FAM117A: variants seen among roughly 807,000 people sequenced by gnomAD.
The protein encoded by FAM117A is family with sequence similarity 117 member A, also known as protein FAM117A.
FAM117A carries 21 observed loss-of-function variants against 44.1 expected under a neutral mutation model. The observed-to-expected ratio is 0.48, with a 90% CI of 0.34 to 0.69. FAM117A has a LOEUF of 0.69. FAM117A is among the 30% of genes least tolerant of loss of function. The pLI, the probability that FAM117A is intolerant of heterozygous loss-of-function variation, is 0.01. For synonymous variants in FAM117A, 220 were observed against 238.3 expected, an observed-to-expected ratio of 0.92 and a Z score of 0.71; for missense variants, 498 against 589.9, an observed-to-expected ratio of 0.84 and a Z score of 1.61.
intron 1 of FAM117A, among the ~76,000 whole-genome samples, chr17:49,738,610 G>C (rs944150559): frequency 2.0e-5 from 3 of 152,108 alleles, no homozygotes; most frequent in Non-Finnish European, 4.4e-5. Context: ...TATTTCCACA[G>C]AGGCCACATC....
rs933250272 is a variant in FAM117A, at chr17:49,763,405, G to A, written c.196+487C>T. Among the ~76,000 whole-genome samples, 46 of 151,968 alleles carry A rather than the reference G, an allele frequency of 3.0e-4. 2 individuals carry two copies. Among genetic ancestry groups the A allele is most frequent in the Non-Finnish European group, 1.5e-5 (1 of 68,004 alleles). On this transcript the variant is annotated intron_variant, in intron 1 of 7. Coordinates refer to ENST00000240364, the MANE Select transcript of FAM117A (RefSeq NM_030802.4). ...CCAGCGCAGTTGAGAGGGATGCTGG[G>A]GCCAAACTCAAGCTGGAGAAGTAAC...
At chr17:49,726,282 G>T (rs2073559232) in intron 2 of FAM117A, among the ~76,000 whole-genome samples, 1 of 151,960 alleles carries the variant, frequency 6.6e-6, no homozygotes, top group Non-Finnish European at 1.5e-5. Flanking sequence ...GCGCAATCTT[G>T]GCTCACTGAA....
At chr17:49,778,296 C>A (rs1031441664) in intron 1 of FAM117A, among the ~76,000 whole-genome samples, 3 of 152,204 alleles carry the variant, frequency 2.0e-5, no homozygotes, top group African/African-American at 7.2e-5. Context: ...CTATTAAGTG[C>A]CAGGCATCAT....
At chr17:49,728,146 A>T (rs569537811) in intron 2 of FAM117A, among the ~76,000 whole-genome samples, 31 of 152,234 alleles carry the variant, frequency 2.0e-4, no homozygotes, top group Non-Finnish European at 1.5e-5. Flanking sequence ...TTGTCAAACT[A>T]TGCTGAACAA....
In FAM117A at chr17:49,733,916, G is replaced by A. The variant is rs539043975; in HGVS notation, c.197-1196C>T. ...CCAGCACTTTGGGAGGTCGAGGCAG[G>A]TGGATCATGAGATCAGGAGATTGAG... On this transcript the variant is annotated intron_variant, in intron 1 of 7. Transcript: ENST00000240364. 7.2e-4 allele frequency among the ~76,000 whole-genome samples: 110 copies of A among 152,120 alleles called. 1 individual carries two copies. The highest frequency in any genetic ancestry group is 2.5e-3 in the African/African-American group (102 of 41,486).
intron 1 of FAM117A, among the ~76,000 whole-genome samples, chr17:49,741,190 G>T (rs2073632813): frequency 6.6e-6 from 1 of 152,028 alleles, no homozygotes; most frequent in East Asian, 1.9e-4. Flanking sequence ...CAACTAGCTG[G>T]TTCAACAAAC....
At chr17:49,712,296 G>T (rs897086357) in intron 7 of FAM117A, among the ~76,000 whole-genome samples, 4 of 152,146 alleles carry the variant, frequency 2.6e-5, no homozygotes, top group African/African-American at 9.7e-5. Flanking sequence ...TCTTTGTTGC[G>T]GGGTGGGGAT....
chr17:49,746,801 ATGAATT>A (rs1368611638), intron 1 of FAM117A, among the ~76,000 whole-genome samples: 2 of 152,360 alleles, frequency 1.3e-5, no homozygotes, highest in East Asian at 3.9e-4. Flanking sequence ...GGGAAGGAAA[ATGAATT>A]AGAATTTATC....
chr17:49,711,651 G>A lies in FAM117A; in HGVS notation c.1062-96C>T, dbSNP rs1332482205. ...AGATGTCACAGCATCAAGGCAGCAG[G>A]AGAGCTGGGTCTCTGTTCAAACAGA... On this transcript the variant is annotated intron_variant, in intron 7 of 7. Transcript: ENST00000240364. 8 of 1,190,794 alleles carry A rather than the reference G, an allele frequency of 6.7e-6. No homozygotes were observed. In the Admixed American group the frequency reaches 7.8e-5, roughly 12 times the overall value. 73.8% of individuals were successfully genotyped at this position (1,190,794 alleles called of 1,614,324 possible).
rs183021290 is a variant in FAM117A at position 49,719,432 on chromosome 17, G to A, written c.708+328C>T. Among the ~76,000 whole-genome samples the A allele has an allele frequency of 2.3e-4, 35 of 152,296 alleles. No homozygotes were observed. The East Asian group carries it at 6.0e-3, about 26-fold the overall frequency. On this transcript the variant is annotated intron_variant, in intron 5 of 7. Transcript: ENST00000240364. Reference sequence around the variant, plus strand: ...CAGCAGGCACTGAGGCGCCCATGCCGGTGCCGAGCACACGGGGAACAGTGA... The same window carrying A: ...CAGCAGGCACTGAGGCGCCCATGCCAGTGCCGAGCACACGGGGAACAGTGA...
intron 1 of FAM117A, among the ~76,000 whole-genome samples, chr17:49,780,172 G>A (rs181992439): frequency 6.6e-6 from 1 of 152,286 alleles, no homozygotes; most frequent in East Asian, 1.9e-4. Context: ...GGGCAAACAT[G>A]TATAAATGAC....
At chr17:49,774,629 A>G (rs1299449427) in intron 1 of FAM117A, among the ~76,000 whole-genome samples, 1 of 152,180 alleles carries the variant, frequency 6.6e-6, no homozygotes, top group African/African-American at 2.4e-5. Context: ...AAGTGCTGGG[A>G]TTACAGGCGT....
chr17:49,732,336 C>G, intron 2 of FAM117A: 1 of 394,144 alleles, frequency 2.5e-6, no homozygotes, highest in Non-Finnish European at 4.7e-6. Flanking sequence ...ACCCGGGAGG[C>G]AGAGGTTGCA....
At position 49,728,690 on chromosome 17, in the gene FAM117A, G is replaced by A. The variant is rs538592725; in HGVS notation, c.366+3861C>T. ...AAGGTTTGCACAGCAAGAAGGGAAA[G>A]GGGTAACTGCAGCCACCGGCATGTA... On this transcript the variant is annotated intron_variant, in intron 2 of 7. Coordinates refer to ENST00000240364, the MANE Select transcript of FAM117A (RefSeq NM_030802.4). Among the ~76,000 whole-genome samples the A allele has an allele frequency of 5.9e-5, 9 of 152,322 alleles. No individual in the cohort carries two copies. The East Asian group carries it at 1.7e-3, about 29-fold the overall frequency.
Position 49,717,602 on chromosome 17 carries a change from G to T in FAM117A, c.821C>A (p.Ser274Tyr). Residue 274 changes from serine (S) to tyrosine (Y), a missense_variant, in exon 6 of 8, where the codon TCC becomes TAC. Coordinates refer to ENST00000240364, the MANE Select transcript of FAM117A (RefSeq NM_030802.4). The stretch of plus-strand genomic sequence containing the variant: ...GCCACAAGGCTGGGGAGATGCCAAG[G>T]ACATGGAAGGAGAGCTGGCAAGGTT... Reference protein sequence around the residue: ...PGNLASSPSMSLASPQPCGLA... With the variant: ...PGNLASSPSMYLASPQPCGLA... The T allele has an allele frequency of 1.9e-6, 3 of 1,614,168 alleles. No individual in the cohort carries two copies. The highest frequency in any genetic ancestry group is 2.5e-6 in the Non-Finnish European group (3 of 1,180,024).
At chr17:49,767,522 C>T (rs1235376419), upstream of FAM117A, among the ~76,000 whole-genome samples, 2 of 152,190 alleles carry the variant, frequency 1.3e-5, no homozygotes, top group Non-Finnish European at 2.9e-5. Context: ...AGAAGTGGCC[C>T]TGGGCTAGAT....
At chr17:49,763,307 G>C (rs1225810505) in intron 1 of FAM117A, among the ~76,000 whole-genome samples, 1 of 152,144 alleles carries the variant, frequency 6.6e-6, no homozygotes, top group South Asian at 2.1e-4. Flanking sequence ...ACTTAGTCCA[G>C]CGGGCTGAGA....
chr17:49,716,082 C>G, intron 7 of FAM117A, 83 bp downstream of exon 7: 2 of 1,492,914 alleles, frequency 1.3e-6, no homozygotes, highest in East Asian at 4.6e-5. Context: ...ACCTCTATGA[C>G]AAGAGAGAGT....
chr17:49,712,513 GT>G (rs1195830731), intron 7 of FAM117A, among the ~76,000 whole-genome samples: 1 of 152,094 alleles, frequency 6.6e-6, no homozygotes, highest in Non-Finnish European at 1.5e-5. Flanking sequence ...GTTTATTGTT[GT>G]TGTTTTGTTT....
Sources: gnomAD v4.1 joint callset for allele counts (sites outside exome capture counted in the v4.1 genomes callset) on GRCh38, gnomAD v4.1.1 for gene constraint, MANE v1.5 for transcripts, NCBI Gene and HGNC (gene_info 2026-07-23, HGNC 2026-07-21) for gene names.